The following CLINT1 variants were observed in gnomAD, a reference collection of about 807,000 sequenced individuals.
CLINT1 encodes the protein clathrin interacting protein localized in the trans-Golgi region.
Under a neutral mutation model 70.4 loss-of-function variants are expected in CLINT1, and 15 were observed. That is an observed-to-expected ratio of 0.21 (90% CI 0.14 to 0.33). The LOEUF (loss-of-function observed/expected upper bound fraction) is 0.33, where lower values mean the gene tolerates loss of function less well. Ranked by LOEUF, CLINT1 falls within the 10% of genes least tolerant of loss-of-function variation. CLINT1 has a pLI of 1.00. For missense variants in CLINT1, 615 were observed against 778.1 expected (o/e 0.79, Z 2.49); for synonymous variants, 227 against 254.7 (o/e 0.89, Z 1.04).
chr5:157,794,924 G>A lies in CLINT1; in HGVS notation c.1061C>T (p.Ala354Val), dbSNP rs866260728. ...FGGFADFGSA[A>V]ASGSFPSQVT... ...TTGGGAAGGGAAACTGCCTGATGCA[G>A]CAGCTGAGCCAAAGTCAGCAAATCC... Residue 354 changes from alanine to valine, a missense_variant, in exon 9 of 12, where the codon GCT becomes GTT. By Grantham distance (64) the Ala-to-Val change is moderately conservative (BLOSUM62 0). Around this residue, in one of 2 missense-constraint regions of CLINT1, gnomAD observed 374 missense variants for 409.6 expected, o/e 0.91. Transcript: ENST00000411809. 6.4e-7 allele frequency: 1 copy of A among 1,558,716 alleles called. No homozygotes were observed. The highest frequency in any genetic ancestry group is 8.7e-7 in the Non-Finnish European group (1 of 1,150,626).
In CLINT1 at chr5:157,806,063, C is replaced by A. The variant is rs1561645123; in HGVS notation, c.745G>T (p.Glu249Ter). The A allele has an allele frequency of 6.2e-7, 1 of 1,613,980 alleles. No homozygotes were observed. Among genetic ancestry groups the A allele is most frequent in the Admixed American group, 1.7e-5 (1 of 60,014 alleles). ...ACAGTCTCCTCTTCATCTTTGAATT[C>A]ACCTTTGGGAGATCTGCCTCTTCTC... is the stretch of plus-strand genomic sequence containing the variant. The part of the protein sequence containing the change: ...KARRGRSPKG[E>*]FKDEEETVTT... The change falls in exon 7 of 12, where the codon GAA (glutamate) becomes TAA (stop). Residue 249 changes from glutamate to a stop codon, truncating the protein, a stop_gained. Transcript: ENST00000411809. LOFTEE classifies it high-confidence loss of function.
At chr5:157,797,114 A>G (rs954528204) in intron 8 of CLINT1, among the ~76,000 whole-genome samples, 45 of 152,352 alleles carry the variant, frequency 3.0e-4, no homozygotes, top group African/African-American at 1.0e-3. Flanking sequence ...CCATTTAAAC[A>G]AGCACACATA....
intron 1 of CLINT1, among the ~76,000 whole-genome samples, chr5:157,845,980 T>C (rs904105187): frequency 5.9e-5 from 9 of 152,180 alleles, no homozygotes; most frequent in South Asian, 2.1e-4. Context: ...ACGCTGCTAA[T>C]TGATAGTAAG....
intron 1 of CLINT1, among the ~76,000 whole-genome samples, chr5:157,825,351 A>G (rs1561658649): frequency 2.0e-5 from 3 of 152,128 alleles, no homozygotes. Context: ...CTTTGCTTTT[A>G]AAAATAACCA....
At chr5:157,812,149 A>AAGCAG (rs78558537) in intron 5 of CLINT1, among the ~76,000 whole-genome samples, 20,271 of 152,090 alleles carry the variant, frequency 0.13, 1,750 homozygotes, top group African/African-American at 0.25. Flanking sequence ...GAGAGTGGGA[A>AAGCAG]AGCAGAGGAA....
At chr5:157,822,212 CTTTT>C (rs11344096) in intron 1 of CLINT1, among the ~76,000 whole-genome samples, 1 of 143,698 alleles carries the variant, frequency 7.0e-6, no homozygotes, top group Non-Finnish European at 1.5e-5. Flanking sequence ...ATTTGATGGT[CTTTT>C]TTTTTTTTTT....
chr5:157,840,674 G>C (rs1036920345), intron 1 of CLINT1, among the ~76,000 whole-genome samples: 1 of 151,598 alleles, frequency 6.6e-6, no homozygotes, highest in African/African-American at 2.4e-5. Context: ...GGATGAATGT[G>C]GATAAAAAGT....
intron 6 of CLINT1, among the ~76,000 whole-genome samples, chr5:157,807,861 G>A (rs1281349655): frequency 6.6e-6 from 1 of 152,048 alleles, no homozygotes; most frequent in African/African-American, 2.4e-5. Flanking sequence ...AGCCTACATA[G>A]CGTTATTGTT....
chr5:157,805,883 G>T lies in CLINT1; in HGVS notation c.925C>A (p.Pro309Thr), dbSNP rs756873124. 1 of 1,613,844 alleles carries T rather than the reference G, an allele frequency of 6.2e-7. No individual in the cohort carries two copies. Among genetic ancestry groups the T allele is most frequent in the Non-Finnish European group, 8.5e-7 (1 of 1,179,882 alleles). Reference sequence around the variant, plus strand: ...ATTCCCACCTTAACTGAAGACTGAGGTGTGTGGGTTGAAGCATTCTGATCT... The same window carrying T: ...ATTCCCACCTTAACTGAAGACTGAGTTGTGTGGGTTGAAGCATTCTGATCT... ...SPDQNASTHTPQSSVKTSVPS... is the reference protein window; with the variant it reads ...SPDQNASTHTTQSSVKTSVPS... Residue 309 changes from proline to threonine, a missense_variant, in exon 7 of 12, where the codon CCT (proline) becomes ACT (threonine). Pro to Thr is a conservative substitution (Grantham distance 38). Around this residue, in one of 2 missense-constraint regions of CLINT1, gnomAD observed 374 missense variants for 409.6 expected, o/e 0.91. Transcript: ENST00000411809.
chr5:157,806,658 G>A (rs1288384266), intron 6 of CLINT1, among the ~76,000 whole-genome samples: 1 of 152,096 alleles, frequency 6.6e-6, no homozygotes, highest in Non-Finnish European at 1.5e-5. Context: ...AAACTCATCT[G>A]TAAATGCATG....
At chr5:157,854,400 A>G (rs779219829) in intron 1 of CLINT1, among the ~76,000 whole-genome samples, 3 of 152,186 alleles carry the variant, frequency 2.0e-5, no homozygotes, top group Non-Finnish European at 4.4e-5. Flanking sequence ...CCTGGGCAAC[A>G]TAGCAAGAAC....
intron 1 of CLINT1, among the ~76,000 whole-genome samples, chr5:157,855,488 A>G (rs1269116596): frequency 6.6e-6 from 1 of 152,158 alleles, no homozygotes. Context: ...CCTTTTATGC[A>G]ACTTGACGAG....
intron 1 of CLINT1, among the ~76,000 whole-genome samples, chr5:157,856,755 A>ATTT: frequency 6.6e-6 from 1 of 152,290 alleles, no homozygotes; most frequent in East Asian, 1.9e-4. Context: ...AAGCCTTAAA[A>ATTT]AGTCTTTGGT....
chr5:157,831,976 G>A (rs1461191356), intron 1 of CLINT1, among the ~76,000 whole-genome samples: 8 of 149,548 alleles, frequency 5.3e-5, no homozygotes, highest in African/African-American at 2.0e-4. Flanking sequence ...GATTACAAGC[G>A]TGAGCCAGTG....
intron 1 of CLINT1, among the ~76,000 whole-genome samples, chr5:157,841,251 G>C (rs898067300): frequency 1.1e-4 from 17 of 151,996 alleles, no homozygotes; most frequent in African/African-American, 3.9e-4. Flanking sequence ...GGGTGACAGA[G>C]CAAGAGCCCG....
rs80062703 is a variant in CLINT1 at position 157,787,460 on chromosome 5, T to C, written c.*186A>G. On this transcript the variant is annotated 3_prime_UTR_variant, in exon 12 of 12. Coordinates refer to ENST00000411809, the MANE Select transcript of CLINT1 (RefSeq NM_014666.4). ...ATGATTTTGACTGCCTCATCTGAAG[T>C]GCTCTTGCCTGGCCCTCTGAAATAC... 967 of 612,340 alleles carry C rather than the reference T, an allele frequency of 1.6e-3. 9 individuals are homozygous for C. In the African/African-American group the frequency reaches 0.016, roughly 10 times the overall value. 37.9% of individuals were successfully genotyped at this position (612,340 alleles called of 1,614,324 possible). A position where few individuals can be genotyped will look rare whatever the true frequency, so the allele number is the denominator to read the frequency against.
At chr5:157,843,600 C>G (rs1027852211) in intron 1 of CLINT1, among the ~76,000 whole-genome samples, 1 of 152,164 alleles carries the variant, frequency 6.6e-6, no homozygotes, top group East Asian at 1.9e-4. Flanking sequence ...ACCCTTCTCA[C>G]TCTTCATTTA....
Position 157,817,535 on chromosome 5 carries a change from A to G in CLINT1, c.54T>C (p.Val18=). Residue 18 remains valine (V), a synonymous_variant, in exon 2 of 12, where the codon GTT becomes GTC. Coordinates refer to ENST00000411809, the MANE Select transcript of CLINT1 (RefSeq NM_014666.4). ...TAGACTCGATCTCTGAATAATTCATAACAACATTGGTGCTGTAGAGGAAAA... is the reference window on the plus strand; with the variant it reads ...TAGACTCGATCTCTGAATAATTCATGACAACATTGGTGCTGTAGAGGAAAA... The part of the protein sequence containing the change: ...RELVDKATNV[V]MNYSEIESKV... 1 of 1,598,012 alleles carries G rather than the reference A, an allele frequency of 6.3e-7. No homozygotes were observed. Among genetic ancestry groups the G allele is most frequent in the South Asian group, 1.1e-5 (1 of 88,216 alleles).
At chr5:157,810,273 A>G (rs1218091030) in intron 5 of CLINT1, among the ~76,000 whole-genome samples, 1 of 152,236 alleles carries the variant, frequency 6.6e-6, no homozygotes, top group African/African-American at 2.4e-5. Context: ...CTCCAATCTG[A>G]ATGCTACATG....
Sources: gnomAD v4.1 joint callset for allele counts (sites outside exome capture counted in the v4.1 genomes callset) on GRCh38, gnomAD v4.1.1 for gene constraint, gnomAD v4.1.1 regional missense constraint, MANE v1.5 for transcripts, NCBI Gene and HGNC (gene_info 2026-07-23, HGNC 2026-07-21) for gene names.